NPHP4: variants seen among roughly 807,000 people sequenced by gnomAD.
NPHP4 encodes nephrocystin-4.
A neutral mutation model predicts 155.8 loss-of-function variants in NPHP4; 151 were observed. The ratio of observed to expected loss-of-function variants is 0.97; its 90% CI spans 0.85 to 1.11. The LOEUF is 1.11. Ranked by LOEUF, NPHP4 falls within the 50% of genes least tolerant of loss-of-function variation. NPHP4 has a pLI of 0.00. For synonymous variants in NPHP4, 845 were observed against 816.8 expected (o/e 1.03, Z -0.59); for missense variants, 1,956 against 1,925.7 (o/e 1.02, Z -0.29).
chr1:5,879,607 C>T (rs1642997042), intron 19 of NPHP4: 1 of 519,120 alleles, frequency 1.9e-6, no homozygotes, highest in African/African-American at 1.9e-5. Flanking sequence ...CTTCTCCAAA[C>T]AGCACAGTCG....
intron 6 of NPHP4, 139 bp from the exon 7 acceptor site, chr1:5,952,975 A>G (rs1648473083): frequency 1.4e-6 from 1 of 696,838 alleles, no homozygotes. Context: ...ACAGAGCACA[A>G]GGCCCAAGCC....
rs1156411650 is a variant in NPHP4, at chr1:5,892,064, A to T, written c.2144-1036T>A. 2.6e-5 allele frequency among the ~76,000 whole-genome samples: 4 copies of T among 152,244 alleles called. No individual in the cohort carries two copies. Among genetic ancestry groups the T allele is most frequent in the Non-Finnish European group, 5.9e-5 (4 of 68,040 alleles). ...GCATCTTGGGGCAGAAAGGCAAATA[A>T]GGAATCTGGAGGAAGACCAAGGAGG... On this transcript the variant is annotated intron_variant, in intron 16 of 29. Coordinates refer to ENST00000378156, the MANE Select transcript of NPHP4 (RefSeq NM_015102.5). This position sits in a 1 kb window ranked among gnomAD's most constrained non-coding sequence, Gnocchi z 4.5.
At chr1:5,929,363 C>T (rs145215965) in intron 10 of NPHP4, among the ~76,000 whole-genome samples, 1 of 152,292 alleles carries the variant, frequency 6.6e-6, no homozygotes, top group African/African-American at 2.4e-5. Flanking sequence ...CAGTGGACAT[C>T]CTTTACTTGT....
At chr1:5,919,571 G>C (rs942120926) in intron 11 of NPHP4, among the ~76,000 whole-genome samples, 2 of 152,210 alleles carry the variant, frequency 1.3e-5, no homozygotes, top group African/African-American at 2.4e-5. Flanking sequence ...TAGGAGAAAA[G>C]GAGGACCACC....
intron 11 of NPHP4, among the ~76,000 whole-genome samples, chr1:5,926,940 C>T (rs1646035629): frequency 2.0e-5 from 3 of 152,228 alleles, no homozygotes; most frequent in Non-Finnish European, 1.5e-5. Context: ...GCTCCAGACG[C>T]CTAGAGCCAA....
intron 11 of NPHP4, among the ~76,000 whole-genome samples, chr1:5,923,481 G>A (rs950058701): frequency 6.6e-6 from 1 of 152,102 alleles, no homozygotes; most frequent in Non-Finnish European, 1.5e-5. Flanking sequence ...ATTTACAGAG[G>A]GTCCCACCCT....
chr1:5,964,920 TA>T (rs1651103912), intron 5 of NPHP4, among the ~76,000 whole-genome samples: 3 of 63,512 alleles, frequency 4.7e-5, no homozygotes, highest in African/African-American at 8.3e-5. Flanking sequence ...ATATATATTA[TA>T]TATATATATA....
At position 5,880,205 on chromosome 1, in the gene NPHP4, G is replaced by C. The variant is rs933365048; in HGVS notation, c.2520C>G (p.Ser840Arg). Residue 840 changes from serine to arginine, a missense_variant, in exon 19 of 30, where the codon AGC becomes AGG. Transcript: ENST00000378156. Reference protein sequence around the residue: ...HPCEQKVRGCSTLPPSRSRVI... With the variant: ...HPCEQKVRGCRTLPPSRSRVI... Reference sequence around the variant, plus strand: ...CCCGAGATCTGGACGGTGGCAATGTGCTACAACCTCTCACTTTCTGTTCAC... The same window carrying C: ...CCCGAGATCTGGACGGTGGCAATGTCCTACAACCTCTCACTTTCTGTTCAC... 1 of 1,613,630 alleles carries C rather than the reference G, an allele frequency of 6.2e-7. No homozygotes were observed. Among genetic ancestry groups the C allele is most frequent in the Non-Finnish European group, 8.5e-7 (1 of 1,179,742 alleles).
At position 5,863,091 on chromosome 1, in the gene NPHP4, G is replaced by C; in HGVS notation, c.*174C>G. The stretch of plus-strand genomic sequence containing the variant: ...GTCAGCAGCAGCTAAGCTGGATGCA[G>C]GTACTACAAAATGACCAGCGCTCGG... On this transcript the variant is annotated 3_prime_UTR_variant, in exon 30 of 30. Transcript: ENST00000378156. 1 of 663,968 alleles carries C rather than the reference G, an allele frequency of 1.5e-6. No homozygotes were observed. The allele number at this position is 663,968 out of a possible 1,614,324, so 41.1% of individuals were successfully genotyped here.
chr1:5,880,979 T>A (rs374854103), intron 18 of NPHP4: 1 of 152,246 alleles, frequency 6.6e-6, no homozygotes, highest in African/African-American at 2.4e-5. Context: ...TGCCATCAAT[T>A]TCCTTAATTC....
chr1:5,952,249 T>A (rs996414604), intron 7 of NPHP4, among the ~76,000 whole-genome samples: 2 of 152,200 alleles, frequency 1.3e-5, no homozygotes, highest in Non-Finnish European at 1.5e-5. Context: ...ACGAGCCCCA[T>A]GTCCCCGCCG....
At chr1:5,925,104 A>ACTT (rs2101634822) in intron 11 of NPHP4, among the ~76,000 whole-genome samples, 1 of 152,374 alleles carries the variant, frequency 6.6e-6, no homozygotes, top group East Asian at 1.9e-4. Context: ...CTGTACTTCT[A>ACTT]AGTAACTTAA....
chr1:5,972,892 T>C (rs1013929382), intron 3 of NPHP4, among the ~76,000 whole-genome samples: 1 of 151,960 alleles, frequency 6.6e-6, no homozygotes, highest in African/African-American at 2.4e-5. Flanking sequence ...TTGTTTGGTT[T>C]TTCTTTTTTT....
chr1:5,867,717 T>C lies in NPHP4; in HGVS notation c.3472+23A>G. The C allele has an allele frequency of 6.2e-7, 1 of 1,605,800 alleles. No homozygotes were observed. The highest frequency in any genetic ancestry group is 2.2e-5 in the East Asian group (1 of 44,856). On this transcript the variant is annotated intron_variant, in intron 24 of 29. Coordinates refer to ENST00000378156, the MANE Select transcript of NPHP4 (RefSeq NM_015102.5). The surrounding 1 kb of genome is among the most constrained non-coding windows in gnomAD (Gnocchi z 4.1). ...ACAGGTGAGCCTGCAACATGTGGGC[T>C]GCAGGGTCAGTGCAGGACCTGCCTG...
chr1:5,877,405 AG>A, intron 19 of NPHP4, 107 bp from the exon 20 acceptor site: 1 of 808,742 alleles, frequency 1.2e-6, no homozygotes, highest in South Asian at 2.3e-5. Flanking sequence ...AGGGAGCTCA[AG>A]AGTGCGGCTC....
chr1:5,948,749 C>A (rs1014467800), intron 7 of NPHP4, among the ~76,000 whole-genome samples: 1 of 152,116 alleles, frequency 6.6e-6, no homozygotes, highest in Non-Finnish European at 1.5e-5. Context: ...ACTCTGTCTA[C>A]CCAGAGACCT....
chr1:5,879,775 GCGCACACACACACACACACGCAAACA>G, intron 19 of NPHP4: 1 of 328,264 alleles, frequency 3.0e-6, no homozygotes, highest in Non-Finnish European at 5.8e-6. Flanking sequence ...CACGAATGGT[GCGCACACACACACACACACGCAAACA>G]CACACACACA....
intron 11 of NPHP4, among the ~76,000 whole-genome samples, chr1:5,927,154 CA>C (rs1646047140): frequency 6.6e-6 from 1 of 152,254 alleles, no homozygotes; most frequent in Non-Finnish European, 1.5e-5. Context: ...CTGCCACCCA[CA>C]GGGCCAGGAC....
chr1:5,870,252 G>C (rs575945046), intron 23 of NPHP4, among the ~76,000 whole-genome samples: 61 of 152,340 alleles, frequency 4.0e-4, no homozygotes, highest in Non-Finnish European at 7.8e-4. Context: ...GAATCAACAG[G>C]ACGCAGGAGC....
Sources: gnomAD v4.1 joint callset for allele counts (sites outside exome capture counted in the v4.1 genomes callset) on GRCh38, gnomAD v4.1.1 for gene constraint, Gnocchi (gnomAD v3.1) non-coding constraint, MANE v1.5 for transcripts, NCBI Gene and HGNC (gene_info 2026-07-23, HGNC 2026-07-21) for gene names.